Variants in PARP6 observed in about 807,000 individuals in gnomAD.
PARP6 encodes poly(ADP-ribose) polymerase family member 6, also known as protein mono-ADP-ribosyltransferase PARP6.
Under a neutral mutation model 92.0 loss-of-function variants are expected in PARP6, and 27 were observed. That is an observed-to-expected ratio of 0.29 (90% CI 0.22 to 0.40). The LOEUF (loss-of-function observed/expected upper bound fraction) is 0.40, where lower values mean the gene tolerates loss of function less well. PARP6 is among the 10% of genes least tolerant of loss of function. The pLI, the probability that PARP6 is intolerant of heterozygous loss-of-function variation, is 1.00. For missense variants in PARP6, 501 were observed against 784.5 expected (o/e 0.64, Z 4.32); for synonymous variants, 272 against 281.2 (o/e 0.97, Z 0.33).
intron 20 of PARP6, chr15:72,245,252 A>T (rs1298291033): frequency 6.6e-6 from 1 of 152,262 alleles, no homozygotes; most frequent in African/African-American, 2.4e-5. Flanking sequence ...AGTCCCAGCT[A>T]CTCGGGAGGC....
intron 3 of PARP6, chr15:72,267,187 C>T (rs2086712279): frequency 1.8e-6 from 1 of 543,354 alleles, no homozygotes; most frequent in Non-Finnish European, 3.3e-6. Flanking sequence ...TGGCCTCTTC[C>T]AGGATCATTA....
intron 2 of PARP6, among the ~76,000 whole-genome samples, chr15:72,269,421 A>G (rs927586525): frequency 6.6e-6 from 1 of 150,902 alleles, no homozygotes; most frequent in African/African-American, 2.4e-5. Context: ...TCGGCCTCCC[A>G]AAGTGTTGGG....
At position 72,256,456 on chromosome 15, in the gene PARP6, G is replaced by C; in HGVS notation, c.1125+9C>G. The C allele has an allele frequency of 6.5e-7, 1 of 1,536,284 alleles. No homozygotes were observed. The highest frequency in any genetic ancestry group is 8.7e-7 in the Non-Finnish European group (1 of 1,147,716). On this transcript the variant is annotated intron_variant, in intron 14 of 23. Coordinates refer to ENST00000569795, the MANE Select transcript of PARP6 (RefSeq NM_001323532.2). ...TGTTCCTTAGCCCTGACTTTCTCAA[G>C]TAACATACCTTAGGGTTAAAGGCCA...
chr15:72,249,426 C>A, intron 19 of PARP6, 112 bp from the exon 20 acceptor site: 1 of 589,206 alleles, frequency 1.7e-6, no homozygotes, highest in Non-Finnish European at 3.0e-6. Flanking sequence ...CCTTCTCATT[C>A]AAGTAACCCT....
At chr15:72,268,654 C>T (rs1190686088) in intron 2 of PARP6, among the ~76,000 whole-genome samples, 9 of 152,176 alleles carry the variant, frequency 5.9e-5, no homozygotes, top group Admixed American at 5.2e-4. Context: ...GCCTAGATCA[C>T]GCCACTGCAC....
chr15:72,268,594 A>G (rs1461133305), intron 2 of PARP6, among the ~76,000 whole-genome samples: 1 of 152,212 alleles, frequency 6.6e-6, no homozygotes. Context: ...GCTACTCAGG[A>G]GGCTGAGGCA....
rs1249538394 is a variant in PARP6, at chr15:72,265,910, A to G, written c.163T>C (p.Ser55Pro). Residue 55 changes from serine (S) to proline (P), a missense_variant, in exon 5 of 24, where the codon TCT (serine) becomes CCT (proline). Transcript: ENST00000569795. ...GTAGAGTCCCACCTGATGGATACAG[A>G]GTTCTCACTGTAGATCTCCTTCACG... ...EAVKEIYSENSVSIREYGTID... is the reference protein window; with the variant it reads ...EAVKEIYSENPVSIREYGTID... The G allele has an allele frequency of 1.2e-6, 2 of 1,611,852 alleles. No individual in the cohort carries two copies. Among genetic ancestry groups the G allele is most frequent in the Non-Finnish European group, 8.5e-7 (1 of 1,178,066 alleles).
In PARP6 at chr15:72,242,057, A is replaced by G; in HGVS notation, c.1706-72T>C. The G allele has an allele frequency of 6.9e-7, 1 of 1,447,686 alleles. No homozygotes were observed. The highest frequency in any genetic ancestry group is 1.1e-5 in the South Asian group (1 of 87,698). The allele number at this position is 1,447,686 out of a possible 1,614,324, so 89.7% of individuals were successfully genotyped here. ...AGAGTCCAGGCAGGAGAAGGAAGCC[A>G]TGCCACTTCAACATCACTCTTGGCC... On this transcript the variant is annotated intron_variant, in intron 22 of 23. Coordinates refer to ENST00000569795, the MANE Select transcript of PARP6 (RefSeq NM_001323532.2). The surrounding 1 kb of genome is among the most constrained non-coding windows in gnomAD (Gnocchi z 4.3).
chr15:72,242,586 G>GAA lies in PARP6; in HGVS notation c.1641+32_1641+33dup, dbSNP rs756965541. On this transcript the variant is annotated intron_variant, in intron 21 of 23. Coordinates refer to ENST00000569795, the MANE Select transcript of PARP6 (RefSeq NM_001323532.2). The surrounding 1 kb of genome is among the most constrained non-coding windows in gnomAD (Gnocchi z 4.3). The stretch of plus-strand genomic sequence containing the variant: ...CTCTGGAGCCTAAATTAGCCCCAGG[G>GAA]AAAGGTCCTGCCTCATTAGAATAGT... The GAA allele has an allele frequency of 2.4e-5, 34 of 1,420,122 alleles. No individual in the cohort carries two copies. The highest frequency in any genetic ancestry group is 9.2e-5 in the South Asian group (8 of 87,206). The allele number at this position is 1,420,122 out of a possible 1,614,324, so 88.0% of individuals were successfully genotyped here.
intron 8 of PARP6, among the ~76,000 whole-genome samples, chr15:72,262,240 T>A (rs1445829172): frequency 6.6e-6 from 1 of 152,218 alleles, no homozygotes; most frequent in Admixed American, 6.5e-5. Flanking sequence ...TACTCTAAGG[T>A]ATTGTTCTAA....
chr15:72,260,765 G>C, intron 9 of PARP6, 77 bp from the exon 10 acceptor site: 3 of 1,095,634 alleles, frequency 2.7e-6, no homozygotes, highest in Non-Finnish European at 4.2e-6. Flanking sequence ...AGATAAGTGA[G>C]CCCTAAGCCA....
rs566903097 is a variant in PARP6 at position 72,271,931 on chromosome 15, A to C, written c.-460+462T>G. On this transcript the variant is annotated intron_variant, in intron 1 of 23. Coordinates refer to ENST00000569795, the MANE Select transcript of PARP6 (RefSeq NM_001323532.2). ...TCCCTAGGTCCATGGGCGCTTCTCT[A>C]GGTGTGACAACTTCACGTCTAGTCA... Among the ~76,000 whole-genome samples the C allele has an allele frequency of 2.6e-5, 4 of 152,310 alleles. No homozygotes were observed. In the South Asian group the frequency reaches 8.3e-4, roughly 32 times the overall value.
rs781529432 is a variant in PARP6, at chr15:72,251,247, G to C, written c.1268C>G (p.Ser423Cys). 6.3e-7 allele frequency: 1 copy of C among 1,589,492 alleles called. No individual in the cohort carries two copies. The highest frequency in any genetic ancestry group is 8.6e-7 in the Non-Finnish European group (1 of 1,159,102). ...TTTGACAATGTGTGACCTGTTGCTA[G>C]AGATGATCCTGGGAAGAAACAGAAA... ...LAHPLLQWII[S>C]SNRSHIVKLP... The change falls in exon 17 of 24, where the codon TCT (serine) becomes TGT (cysteine). Residue 423 changes from serine (S) to cysteine (C), a missense_variant. Ser to Cys is a moderately radical substitution (Grantham distance 112, BLOSUM62 -1). Around this residue, in one of 4 missense-constraint regions of PARP6, gnomAD observed 191 missense variants for 399.1 expected, o/e 0.48. Coordinates refer to ENST00000569795, the MANE Select transcript of PARP6 (RefSeq NM_001323532.2).
chr15:72,265,447 T>A lies in PARP6; in HGVS notation c.203A>T (p.Asp68Val), dbSNP rs755735687. 1 of 1,613,754 alleles carries A rather than the reference T, an allele frequency of 6.2e-7. No homozygotes were observed. Among genetic ancestry groups the A allele is most frequent in the Admixed American group, 1.7e-5 (1 of 60,032 alleles). ...GCTGATGTTGATGTGGAGGTCAATG[T>A]CCACGTCATCGATAGTTCCATATTC... ...IREYGTIDDV[D>V]IDLHINISFL... is the part of the protein sequence containing the mutation. The change falls in exon 6 of 24, where the codon GAC becomes GTC. Residue 68 changes from aspartate to valine, a missense_variant. Physicochemically the swap from Asp to Val is radical, Grantham distance 152. Around this residue, in one of 4 missense-constraint regions of PARP6, gnomAD observed 291 missense variants for 352.0 expected, o/e 0.83. Transcript: ENST00000569795.
chr15:72,258,190 A>G, intron 11 of PARP6, 58 bp from the exon 12 acceptor site: 2 of 1,315,284 alleles, frequency 1.5e-6, no homozygotes, highest in South Asian at 2.3e-5. Context: ...AGATATGGGA[A>G]ATAATTTCAG....
intron 20 of PARP6, among the ~76,000 whole-genome samples, chr15:72,247,629 T>C (rs908105521): frequency 2.6e-5 from 4 of 152,208 alleles, no homozygotes; most frequent in Admixed American, 2.6e-4. Context: ...GTGAGGTTTA[T>C]TTTGTGTGTG....
rs931106478 is a variant in PARP6, at chr15:72,271,093, T to G, written c.-265A>C. On this transcript the variant is annotated 5_prime_UTR_variant, in exon 2 of 24. Coordinates refer to ENST00000569795, the MANE Select transcript of PARP6 (RefSeq NM_001323532.2). ...GTTCGTGAGATTTGAAAATAAACAG[T>G]CAAGTGCTGATCTGGATGATCACAG... is the stretch of plus-strand genomic sequence containing the variant. 6.6e-6 allele frequency: 1 copy of G among 152,018 alleles called. No homozygotes were observed. The highest frequency in any genetic ancestry group is 1.5e-5 in the Non-Finnish European group (1 of 68,000). The allele number at this position is 152,018 out of a possible 1,614,324, so 9.4% of individuals were successfully genotyped here.
chr15:72,248,246 G>T (rs2083877978), intron 20 of PARP6, among the ~76,000 whole-genome samples: 1 of 151,796 alleles, frequency 6.6e-6, no homozygotes, highest in South Asian at 2.1e-4. Flanking sequence ...TTATTTCACA[G>T]GTGTTAGTTC....
chr15:72,253,635 T>C, intron 15 of PARP6, 131 bp from the exon 16 acceptor site: 3 of 740,522 alleles, frequency 4.1e-6, no homozygotes, highest in East Asian at 2.7e-5. Context: ...AAAAAGGAGA[T>C]AGGGTTCCCA....
Sources: allele counts gnomAD v4.1 joint callset (sites outside exome capture counted in the v4.1 genomes callset), GRCh38; gene constraint gnomAD v4.1.1; regional missense constraint gnomAD v4.1.1; non-coding constraint Gnocchi (gnomAD v3.1); transcripts MANE v1.5; gene names NCBI Gene and HGNC (gene_info 2026-07-23, HGNC 2026-07-21).